The following METRNL variants were observed in gnomAD, a reference collection of about 807,000 sequenced individuals.
METRNL encodes meteorin like, glial cell differentiation regulator, also known as meteorin-like protein.
Under a neutral mutation model 17.4 loss-of-function variants are expected in METRNL, and 9 were observed. That is an observed-to-expected ratio of 0.52 (90% CI 0.31 to 0.90). METRNL has a LOEUF of 0.90. Among genes scored for constraint, METRNL ranks in the 40% least tolerant of loss-of-function variants. METRNL has a pLI of 0.05. For synonymous variants in METRNL, 215 were observed against 199.3 expected (o/e 1.08, Z -0.66); for missense variants, 408 against 430.7 (o/e 0.95, Z 0.47).
Position 83,094,848 on chromosome 17 carries a change from T to G in METRNL, c.*273T>G. ...AAAAGAAATGTCCATAGGAAACAAA[T>G]TCCCGTGTCTTAAAACGCCTTGGTG... On this transcript the variant is annotated 3_prime_UTR_variant, in exon 4 of 4. Transcript: ENST00000320095. The G allele has an allele frequency of 1.7e-5, 6 of 352,142 alleles. No individual in the cohort carries two copies. Among genetic ancestry groups the G allele is most frequent in the East Asian group, 8.5e-5 (2 of 23,640 alleles). The allele number at this position is 352,142 out of a possible 1,614,324, so 21.8% of individuals were successfully genotyped here.
At chr17:83,088,214 G>A (rs867058529) in intron 2 of METRNL, among the ~76,000 whole-genome samples, 11 of 152,242 alleles carry the variant, frequency 7.2e-5, no homozygotes, top group African/African-American at 2.7e-4. Context: ...TTCCTTGGAT[G>A]CTGAGGAAAC....
Position 83,079,842 on chromosome 17 carries a change from G to C in METRNL, c.27G>C (p.Trp9Cys). The C allele has an allele frequency of 1.0e-6, 1 of 974,590 alleles. No homozygotes were observed. Among genetic ancestry groups the C allele is most frequent in the African/African-American group, 1.8e-5 (1 of 56,096 alleles). 60.4% of individuals were successfully genotyped at this position (974,590 alleles called of 1,614,324 possible). The change falls in exon 1 of 4, where the codon TGG becomes TGC. Residue 9 changes from tryptophan to cysteine, a missense_variant. Physicochemically the swap from Trp to Cys is radical, Grantham distance 215. Transcript: ENST00000320095. ...TGCGGGGCGCGGCGCGGGCGGCCTG[G>C]GGGCGCGCGGGGCAGCCGTGGCCGC... is the stretch of plus-strand genomic sequence containing the variant. MRGAARAA[W>C]GRAGQPWPRP...
intron 2 of METRNL, among the ~76,000 whole-genome samples, chr17:83,090,755 C>T (rs1215820933): frequency 6.6e-6 from 1 of 151,674 alleles, no homozygotes; most frequent in Non-Finnish European, 1.5e-5. Flanking sequence ...GACCTCTGGC[C>T]CTGTGGTACG....
At chr17:83,087,829 G>C (rs1600488633) in intron 2 of METRNL, among the ~76,000 whole-genome samples, 1 of 152,174 alleles carries the variant, frequency 6.6e-6, no homozygotes, top group Non-Finnish European at 1.5e-5. Context: ...CACGGGAGGT[G>C]GACGAGCTCG....
At position 83,079,764 on chromosome 17, in the gene METRNL, C is replaced by T. The variant is rs1262009258; in HGVS notation, c.-52C>T. The T allele has an allele frequency of 7.6e-6, 7 of 915,682 alleles. No homozygotes were observed. In the African/African-American group the frequency reaches 1.3e-4, roughly 17 times the overall value. 56.7% of individuals were successfully genotyped at this position (915,682 alleles called of 1,614,324 possible). On this transcript the variant is annotated 5_prime_UTR_variant, in exon 1 of 4. Coordinates refer to ENST00000320095, the MANE Select transcript of METRNL (RefSeq NM_001004431.3). ...CCGCCCGGCTCGCCGGCTCCGGGGT[C>T]TGCTCCGGGGGTCGCGGACGCGGGG... is the stretch of plus-strand genomic sequence containing the variant.
rs765812124 is a variant in METRNL, at chr17:83,085,314, G to C, written c.547G>C (p.Glu183Gln). The C allele has an allele frequency of 6.6e-6, 10 of 1,524,896 alleles. No homozygotes were observed. Among genetic ancestry groups the C allele is most frequent in the South Asian group, 1.3e-5 (1 of 76,920 alleles). The allele number at this position is 1,524,896 out of a possible 1,614,324, so 94.5% of individuals were successfully genotyped here. A position where few individuals can be genotyped will look rare whatever the true frequency, so the allele number is the denominator to read the frequency against. ...GAGGCACAGGGCGTCGGACCTGCAC[G>C]AGCTGTCTGGTGAGTGTCCTGCCTG... Reference protein sequence around the residue: ...VRRHRASDLHELSAPCRPCSD... With the variant: ...VRRHRASDLHQLSAPCRPCSD... Residue 183 changes from glutamate (E) to glutamine (Q), a missense_variant, in exon 2 of 4, where the codon GAG becomes CAG. By Grantham distance (29) the Glu-to-Gln change is conservative (BLOSUM62 2). Coordinates refer to ENST00000320095, the MANE Select transcript of METRNL (RefSeq NM_001004431.3).
intron 2 of METRNL, among the ~76,000 whole-genome samples, chr17:83,091,816 C>T (rs1398012160): frequency 2.6e-5 from 4 of 152,224 alleles, no homozygotes; most frequent in Admixed American, 6.5e-5. Flanking sequence ...TGAGATTTCA[C>T]GTCTCAAAGT....
intron 1 of METRNL, among the ~76,000 whole-genome samples, chr17:83,082,822 G>GCAT (rs758811739): frequency 6.6e-6 from 1 of 152,218 alleles, no homozygotes; most frequent in African/African-American, 2.4e-5. Context: ...GCTGAAGGAT[G>GCAT]CATCGTTTAA....
chr17:83,081,666 C>A (rs781341262), intron 1 of METRNL, among the ~76,000 whole-genome samples: 110 of 151,316 alleles, frequency 7.3e-4, no homozygotes, highest in Non-Finnish European at 1.5e-3. Flanking sequence ...GGGGACCCCC[C>A]CACACACACA....
intron 2 of METRNL, among the ~76,000 whole-genome samples, chr17:83,087,666 G>A (rs1009882572): frequency 1.2e-4 from 19 of 152,182 alleles, no homozygotes; most frequent in African/African-American, 4.6e-4. Flanking sequence ...GGGCCAGGCC[G>A]GCTCCCCAGC....
chr17:83,092,333 C>G (rs2038148171), intron 2 of METRNL: 1 of 152,316 alleles, frequency 6.6e-6, no homozygotes, highest in South Asian at 2.1e-4. Context: ...GATCCCCTTC[C>G]TGGAATCTTG....
At chr17:83,094,190 G>A in intron 3 of METRNL, 66 bp from the exon 4 acceptor site, 6 of 1,339,554 alleles carry the variant, frequency 4.5e-6, no homozygotes, top group Non-Finnish European at 6.1e-6. Context: ...GGCAGGGGGA[G>A]GTGCGGTGGT....
chr17:83,094,680 G>C lies in METRNL; in HGVS notation c.*105G>C. ...GAGGGCCGCGCGCTGGGAGCCGCAT[G>C]CCCTGGGCCCAGGCCTGACCCTGGT... On this transcript the variant is annotated 3_prime_UTR_variant, in exon 4 of 4. Coordinates refer to ENST00000320095, the MANE Select transcript of METRNL (RefSeq NM_001004431.3). 2.4e-5 allele frequency: 22 copies of C among 921,512 alleles called. No individual in the cohort carries two copies. Among genetic ancestry groups the C allele is most frequent in the Non-Finnish European group, 3.2e-5 (22 of 684,622 alleles). The allele number at this position is 921,512 out of a possible 1,614,324, so 57.1% of individuals were successfully genotyped here. A position where few individuals can be genotyped will look rare whatever the true frequency, so the allele number is the denominator to read the frequency against.
intron 2 of METRNL, among the ~76,000 whole-genome samples, chr17:83,090,939 G>A (rs753834045): frequency 7.2e-4 from 109 of 152,282 alleles, no homozygotes; most frequent in Non-Finnish European, 1.3e-3. Context: ...ACCCCCAGCC[G>A]GCGAGTGGGA....
chr17:83,083,329 G>A lies in METRNL; in HGVS notation c.171-1609G>A, dbSNP rs140795024. 4.2e-3 allele frequency among the ~76,000 whole-genome samples: 634 copies of A among 152,348 alleles called. 9 individuals carry two copies. Among genetic ancestry groups the A allele is most frequent in the African/African-American group, 0.015 (609 of 41,588 alleles). On this transcript the variant is annotated intron_variant, in intron 1 of 3. Coordinates refer to ENST00000320095, the MANE Select transcript of METRNL (RefSeq NM_001004431.3). ...CGAGAGGGAGGCAACGTGTCAGGACGGTGTATGTGGAGAGAGGGTCGAGGC... is the reference window on the plus strand; with the variant it reads ...CGAGAGGGAGGCAACGTGTCAGGACAGTGTATGTGGAGAGAGGGTCGAGGC...
intron 2 of METRNL, among the ~76,000 whole-genome samples, chr17:83,092,716 G>T (rs1272413256): frequency 1.3e-5 from 2 of 152,130 alleles, no homozygotes; most frequent in Admixed American, 6.5e-5. Flanking sequence ...GGTGGGTTCG[G>T]TTCAGCCCCA....
At chr17:83,080,023 C>A (rs1478663076) in intron 1 of METRNL, 38 bp downstream of exon 1, 4 of 1,002,590 alleles carry the variant, frequency 4.0e-6, no homozygotes, top group Non-Finnish European at 4.8e-6. Context: ...CGGCCCCCTC[C>A]CCTCGCGTCC....
intron 1 of METRNL, among the ~76,000 whole-genome samples, chr17:83,080,615 T>C (rs2037974125): frequency 7.2e-6 from 1 of 139,092 alleles, no homozygotes; most frequent in South Asian, 2.3e-4. Context: ...TTTTTTTTTT[T>C]TTTTTTTTTG....
chr17:83,091,089 A>G (rs1402224318), intron 2 of METRNL, among the ~76,000 whole-genome samples: 7 of 152,122 alleles, frequency 4.6e-5, no homozygotes, highest in Admixed American at 1.3e-4. Context: ...TGTACACATC[A>G]GCAGGAAGGG....
Sources: gnomAD v4.1 joint callset for allele counts (sites outside exome capture counted in the v4.1 genomes callset) on GRCh38, gnomAD v4.1.1 for gene constraint, MANE v1.5 for transcripts, NCBI Gene and HGNC (gene_info 2026-07-23, HGNC 2026-07-21) for gene names.